The following HSD17B12 variants were observed in gnomAD, a reference collection of about 807,000 sequenced individuals.
The protein encoded by HSD17B12 is very-long-chain 3-oxoacyl-CoA reductase.
HSD17B12 carries 32 observed loss-of-function variants against 39.3 expected under a neutral mutation model. The observed-to-expected ratio is 0.81, with a 90% CI of 0.61 to 1.09. HSD17B12 has a LOEUF of 1.09. Among genes scored for constraint, HSD17B12 ranks in the 50% least tolerant of loss-of-function variants. HSD17B12 has a pLI of 0.00. For missense variants in HSD17B12, 342 were observed against 382.9 expected (o/e 0.89, Z 0.89); for synonymous variants, 150 against 146.7 (o/e 1.02, Z -0.16).
At chr11:43,659,487 C>T in the HSD17B12 span, among the ~76,000 whole-genome samples, 9 of 152,300 alleles carry the variant, frequency 5.9e-5, no homozygotes, top group Non-Finnish European at 8.8e-5. Context: ...GCATCGCTCA[C>T]GCTGGGAGCT....
the HSD17B12 span, among the ~76,000 whole-genome samples, chr11:43,666,767 A>G: frequency 6.6e-6 from 1 of 152,246 alleles, no homozygotes; most frequent in Non-Finnish European, 1.5e-5. Context: ...GTCGTTCACT[A>G]TACTTCACAC....
intron 3 of HSD17B12, among the ~76,000 whole-genome samples, chr11:43,786,402 G>A (rs1290397178): frequency 1.3e-5 from 2 of 152,194 alleles, no homozygotes; most frequent in South Asian, 4.1e-4. Flanking sequence ...CTACAAGTAT[G>A]TGAAGAATAC....
chr11:43,578,248 C>T, the HSD17B12 span, among the ~76,000 whole-genome samples: 35 of 152,242 alleles, frequency 2.3e-4, no homozygotes, highest in African/African-American at 7.9e-4. Context: ...ATTAGTGGGG[C>T]TAGCCTTCAG....
At chr11:43,561,948 C>T in the HSD17B12 span, among the ~76,000 whole-genome samples, 2 of 152,230 alleles carry the variant, frequency 1.3e-5, no homozygotes, top group African/African-American at 4.8e-5. Context: ...TATTGTGGCA[C>T]TATGTTATAG....
At chr11:43,725,927 T>C (rs1199448813) in intron 1 of HSD17B12, among the ~76,000 whole-genome samples, 1 of 152,178 alleles carries the variant, frequency 6.6e-6, no homozygotes, top group Admixed American at 6.5e-5. Flanking sequence ...AACAGTGCTT[T>C]GTTAATCATC....
intron 1 of HSD17B12, among the ~76,000 whole-genome samples, chr11:43,732,221 C>T (rs1229673375): frequency 1.3e-5 from 2 of 152,144 alleles, no homozygotes; most frequent in African/African-American, 2.4e-5. Flanking sequence ...GATGTGTTTG[C>T]GTCCCTTTCT....
the HSD17B12 span, among the ~76,000 whole-genome samples, chr11:43,615,940 G>A: frequency 6.6e-6 from 1 of 152,180 alleles, no homozygotes; most frequent in East Asian, 1.9e-4. Flanking sequence ...TCAAAGTGTT[G>A]CTCACAAACT....
At chr11:43,598,884 A>G in the HSD17B12 span, among the ~76,000 whole-genome samples, 7 of 152,304 alleles carry the variant, frequency 4.6e-5, no homozygotes, top group African/African-American at 1.2e-4. Flanking sequence ...TCTGCACATC[A>G]CATCTGCCCA....
intron 1 of HSD17B12, among the ~76,000 whole-genome samples, chr11:43,712,194 G>T (rs569764804): frequency 1.2e-4 from 18 of 152,176 alleles, no homozygotes; most frequent in African/African-American, 3.9e-4. Context: ...TTTGGGAGGC[G>T]GAGGCGGGCA....
At chr11:43,693,621 C>T (rs1178694054) in intron 1 of HSD17B12, among the ~76,000 whole-genome samples, 1 of 152,050 alleles carries the variant, frequency 6.6e-6, no homozygotes, top group African/African-American at 2.4e-5. Flanking sequence ...ACACTTAATT[C>T]CCAAGGAAAT....
chr11:43,562,342 G>C, the HSD17B12 span, among the ~76,000 whole-genome samples: 1 of 152,258 alleles, frequency 6.6e-6, no homozygotes, highest in Admixed American at 6.5e-5. Context: ...AGGCTTTGCA[G>C]CCAAGAAGGC....
At chr11:43,823,125 A>G (rs1454087865) in intron 6 of HSD17B12, among the ~76,000 whole-genome samples, 2 of 151,902 alleles carry the variant, frequency 1.3e-5, no homozygotes, top group Non-Finnish European at 2.9e-5. Context: ...CAGACATTCA[A>G]CCAAGGTGGG....
the HSD17B12 span, among the ~76,000 whole-genome samples, chr11:43,675,238 G>C: frequency 1.3e-5 from 2 of 152,330 alleles, no homozygotes; most frequent in African/African-American, 4.8e-5. Flanking sequence ...AAAAGGATAA[G>C]GATTGCTAGA....
chr11:43,847,967 A>C (rs546104246), intron 9 of HSD17B12, among the ~76,000 whole-genome samples: 4 of 152,194 alleles, frequency 2.6e-5, no homozygotes, highest in Non-Finnish European at 5.9e-5. Context: ...TTTTTGTTAC[A>C]GTATTTTATT....
chr11:43,636,142 C>T, the HSD17B12 span, among the ~76,000 whole-genome samples: 37 of 152,284 alleles, frequency 2.4e-4, no homozygotes, highest in African/African-American at 7.9e-4. Flanking sequence ...CCTCTGAATG[C>T]CTATTTATTT....
At chr11:43,775,484 A>AT (rs146985020) in intron 3 of HSD17B12, among the ~76,000 whole-genome samples, 4 of 150,620 alleles carry the variant, frequency 2.7e-5, no homozygotes, top group Non-Finnish European at 3.0e-5. Flanking sequence ...AATTTTAAGA[A>AT]TTTTTTTTTT....
At chr11:43,754,170 C>T (rs1345006064) in intron 3 of HSD17B12, 49 bp downstream of exon 3, 2 of 1,286,594 alleles carry the variant, frequency 1.6e-6, no homozygotes, top group African/African-American at 2.9e-5. Context: ...TTAATGTTTT[C>T]AAGCAGTTAT....
intron 1 of HSD17B12, among the ~76,000 whole-genome samples, chr11:43,713,195 A>G (rs1950086150): frequency 6.6e-6 from 1 of 152,076 alleles, no homozygotes; most frequent in African/African-American, 2.4e-5. Flanking sequence ...TTTGTTGCAT[A>G]TGTATACATG....
chr11:43,754,553 G>T (rs2134949921), intron 3 of HSD17B12, among the ~76,000 whole-genome samples: 1 of 152,296 alleles, frequency 6.6e-6, no homozygotes, highest in South Asian at 2.1e-4. Flanking sequence ...TCCAGCCTGG[G>T]TGACAGAGTG....
Sources: allele counts gnomAD v4.1 joint callset (sites outside exome capture counted in the v4.1 genomes callset), GRCh38; gene constraint gnomAD v4.1.1; transcripts MANE v1.5; gene names NCBI Gene and HGNC (gene_info 2026-07-23, HGNC 2026-07-21).